Variants in SMNDC1 observed in about 807,000 individuals in gnomAD.
SMNDC1 encodes the protein survival motor neuron domain containing 1, also known as survival of motor neuron-related-splicing factor 30.
SMNDC1 carries 5 observed loss-of-function variants against 29.2 expected under a neutral mutation model. The ratio of observed to expected loss-of-function variants is 0.17; its 90% confidence interval spans 0.09 to 0.36. SMNDC1 has a LOEUF of 0.36. SMNDC1 is among the 10% of genes least tolerant of loss of function. The pLI, the probability that SMNDC1 is intolerant of heterozygous loss-of-function variation, is 1.00. For missense variants in SMNDC1, 142 were observed against 268.5 expected (o/e 0.53, Z 3.29); for synonymous variants, 80 against 89.9 (o/e 0.89, Z 0.62).
intron 2 of SMNDC1, chr10:110,300,855 G>T: frequency 7.0e-6 from 2 of 287,500 alleles, no homozygotes; most frequent in Non-Finnish European, 1.0e-5. Context: ...GAGCTAGTCA[G>T]CTAGCTAGCC....
rs888588908 is a variant in SMNDC1, at chr10:110,292,357, C to G, written c.*1793G>C. On this transcript the variant is annotated 3_prime_UTR_variant, in exon 6 of 6. Transcript: ENST00000369603. ...GTCCTCTGGGAAAACTAAGGCCCCCCAGGGTCAAAAGAGGGACAAGACTGT... is the reference window on the plus strand; with the variant it reads ...GTCCTCTGGGAAAACTAAGGCCCCCGAGGGTCAAAAGAGGGACAAGACTGT... 6.6e-6 allele frequency: 1 copy of G among 152,112 alleles called. No homozygotes were observed. The highest frequency in any genetic ancestry group is 2.4e-5 in the African/African-American group (1 of 41,410). 9.4% of individuals were successfully genotyped at this position (152,112 alleles called of 1,614,324 possible).
Position 110,303,547 on chromosome 10 carries a change from G to C in SMNDC1, c.41C>G (p.Ala14Gly), listed in dbSNP as rs141742104. 5.1e-6 allele frequency: 8 copies of C among 1,580,968 alleles called. No individual in the cohort carries two copies. The African/African-American group carries it at 8.3e-5, about 16-fold the overall frequency. Reference sequence around the variant, plus strand: ...TGCAGCTTCAACTTGCTGGAGCTGAGCTTTGTAGCTTGCCAGCTGCTTTGC... The same window carrying C: ...TGCAGCTTCAACTTGCTGGAGCTGACCTTTGTAGCTTGCCAGCTGCTTTGC... ...DLAKQLASYK[A>G]QLQQVEAALS... Residue 14 changes from alanine (A) to glycine (G), a missense_variant, in exon 2 of 6, where the codon GCT becomes GGT. Ala to Gly is a moderately conservative substitution (Grantham distance 60). Transcript: ENST00000369603.
intron 2 of SMNDC1, among the ~76,000 whole-genome samples, chr10:110,303,235 TA>T (rs376977038): frequency 1.3e-5 from 2 of 152,354 alleles, no homozygotes; most frequent in African/African-American, 4.8e-5. Context: ...CTTTAGTTTT[TA>T]AAAATTATGT....
intron 4 of SMNDC1, among the ~76,000 whole-genome samples, chr10:110,296,446 A>G (rs1418752788): frequency 6.6e-6 from 1 of 152,238 alleles, no homozygotes; most frequent in Non-Finnish European, 1.5e-5. Flanking sequence ...ACATTAATAT[A>G]TAATTTTTGC....
intron 2 of SMNDC1, among the ~76,000 whole-genome samples, chr10:110,301,463 G>A (rs1857647425): frequency 6.6e-6 from 1 of 152,156 alleles, no homozygotes; most frequent in African/African-American, 2.4e-5. Context: ...GAATAAAATG[G>A]GAAGAAACTC....
intron 4 of SMNDC1, among the ~76,000 whole-genome samples, chr10:110,295,594 A>C (rs188530023): frequency 2.0e-3 from 311 of 152,130 alleles, no homozygotes; most frequent in African/African-American, 7.4e-3. Context: ...TTCAAACATA[A>C]CTGTAATCTA....
intron 4 of SMNDC1, among the ~76,000 whole-genome samples, chr10:110,296,268 A>G (rs1857561202): frequency 6.6e-6 from 1 of 152,194 alleles, no homozygotes; most frequent in Admixed American, 6.5e-5. Context: ...CTCAGTTAAC[A>G]CTGACTTCTC....
intron 5 of SMNDC1, 79 bp downstream of exon 5, chr10:110,295,149 T>G: frequency 7.5e-7 from 1 of 1,332,814 alleles, no homozygotes; most frequent in South Asian, 1.4e-5. Context: ...ACAAAAAATC[T>G]CCATCTCTTT....
chr10:110,291,703 T>G lies in SMNDC1; in HGVS notation c.*2447A>C, dbSNP rs530427620. 5 of 152,304 alleles carry G rather than the reference T, an allele frequency of 3.3e-5. 1 individual carries two copies. In the South Asian group the frequency reaches 6.2e-4, roughly 19 times the overall value. The allele number at this position is 152,304 out of a possible 1,614,324, so 9.4% of individuals were successfully genotyped here. ...ATGGGAATACACAGGTAATAAATGG[T>G]AATAAACAAACACTAGTCTGGCTCT... On this transcript the variant is annotated 3_prime_UTR_variant, in exon 6 of 6. Coordinates refer to ENST00000369603, the MANE Select transcript of SMNDC1 (RefSeq NM_005871.4).
At chr10:110,303,661 C>T in intron 1 of SMNDC1, 74 bp from the exon 2 acceptor site, 1 of 1,470,522 alleles carries the variant, frequency 6.8e-7, no homozygotes, top group South Asian at 1.3e-5. Context: ...ACTCCCCTGT[C>T]TGCCTGAATT....
At chr10:110,298,010 C>T (rs541433382) in intron 3 of SMNDC1, among the ~76,000 whole-genome samples, 16 of 152,028 alleles carry the variant, frequency 1.1e-4, no homozygotes, top group South Asian at 4.1e-4. Flanking sequence ...CTCTTTTTTG[C>T]GACAGAGTCT....
rs1168420027 is a variant in SMNDC1, at chr10:110,292,801, T to G, written c.*1349A>C. ...AAATTAAAATTCATGAAATAAAAAC[T>G]TATTTTCCCCTTCCACCAAAAATCT... On this transcript the variant is annotated 3_prime_UTR_variant, in exon 6 of 6. Coordinates refer to ENST00000369603, the MANE Select transcript of SMNDC1 (RefSeq NM_005871.4). 3.9e-5 allele frequency: 6 copies of G among 152,122 alleles called. No homozygotes were observed. Among genetic ancestry groups the G allele is most frequent in the Non-Finnish European group, 8.8e-5 (6 of 68,028 alleles). The allele number at this position is 152,122 out of a possible 1,614,324, so 9.4% of individuals were successfully genotyped here.
chr10:110,304,604 G>A (rs1317560820), intron 1 of SMNDC1, 144 bp downstream of exon 1: 1 of 152,284 alleles, frequency 6.6e-6, no homozygotes, highest in Non-Finnish European at 1.5e-5. Context: ...AGCTCTGGCT[G>A]AGAGACGGCC....
chr10:110,300,354 G>C (rs982218536), intron 2 of SMNDC1, among the ~76,000 whole-genome samples: 1 of 152,234 alleles, frequency 6.6e-6, no homozygotes, highest in Admixed American at 6.5e-5. Context: ...TCAGAGGCCT[G>C]TGCTGAAATG....
At chr10:110,303,707 G>A (rs1857693282) in intron 1 of SMNDC1, 120 bp from the exon 2 acceptor site, 2 of 876,382 alleles carry the variant, frequency 2.3e-6, no homozygotes, top group South Asian at 3.6e-5. Context: ...TAACACTGCA[G>A]CTTAATTTAC....
chr10:110,298,385 T>C (rs1401925433), intron 3 of SMNDC1, among the ~76,000 whole-genome samples: 1 of 152,202 alleles, frequency 6.6e-6, no homozygotes, highest in East Asian at 1.9e-4. Context: ...GAGAAAATAA[T>C]TTAGATTATT....
intron 2 of SMNDC1, among the ~76,000 whole-genome samples, chr10:110,303,056 T>C (rs1001879558): frequency 1.2e-4 from 19 of 152,166 alleles, no homozygotes; most frequent in Non-Finnish European, 2.2e-4. Context: ...TTTCAAAGAA[T>C]CTTGTGGTAT....
intron 2 of SMNDC1, among the ~76,000 whole-genome samples, chr10:110,299,559 G>C (rs957921172): frequency 6.6e-6 from 1 of 152,098 alleles, no homozygotes; most frequent in Non-Finnish European, 1.5e-5. Flanking sequence ...AAAAAATTGA[G>C]AACAGTACAA....
At chr10:110,304,254 T>C (rs1857705055) in intron 1 of SMNDC1, 1 of 152,238 alleles carries the variant, frequency 6.6e-6, no homozygotes, top group Non-Finnish European at 1.5e-5. Flanking sequence ...CCTTTTTTGA[T>C]GGTTTATAAG....
Sources: allele counts gnomAD v4.1 joint callset (sites outside exome capture counted in the v4.1 genomes callset), GRCh38; gene constraint gnomAD v4.1.1; transcripts MANE v1.5; gene names NCBI Gene and HGNC (gene_info 2026-07-23, HGNC 2026-07-21).